Variants in GNAO1 observed in about 807,000 individuals in gnomAD.
GNAO1 encodes the protein G protein subunit alpha o1.
For missense variants in GNAO1, 166 were observed against 478.7 expected (o/e 0.35, Z 6.10); for synonymous variants, 164 against 180.7 (o/e 0.91, Z 0.74).
At chr16:56,353,495 C>G (rs2037942361) in intron 7 of GNAO1, 1 of 152,424 alleles carries the variant, frequency 6.6e-6, no homozygotes, top group African/African-American at 2.4e-5. Flanking sequence ...TGTGAGGGCA[C>G]AAAACAAGCA....
At chr16:56,207,168 A>G (rs2036338072) in intron 2 of GNAO1, among the ~76,000 whole-genome samples, 1 of 152,246 alleles carries the variant, frequency 6.6e-6, no homozygotes, top group South Asian at 2.1e-4. Flanking sequence ...GGCGAAAATA[A>G]TTCAGTATAG....
chr16:56,241,409 C>T (rs1364910896), intron 2 of GNAO1, among the ~76,000 whole-genome samples: 1 of 152,184 alleles, frequency 6.6e-6, no homozygotes, highest in Non-Finnish European at 1.5e-5. Context: ...TTTTAGTTCT[C>T]TTCCAGTGCT....
chr16:56,300,945 C>T (rs191192062), intron 3 of GNAO1: 2 of 152,334 alleles, frequency 1.3e-5, no homozygotes, highest in East Asian at 1.9e-4. Flanking sequence ...AAAGTTCCAG[C>T]GAGCAAGTTT....
intron 2 of GNAO1, among the ~76,000 whole-genome samples, chr16:56,220,722 G>GTTCC (rs2036476709): frequency 6.6e-6 from 1 of 152,004 alleles, no homozygotes; most frequent in Admixed American, 6.5e-5. Flanking sequence ...CTCGTGGATG[G>GTTCC]GATTAGCGTG....
At chr16:56,234,695 TG>T (rs1171648595) in intron 2 of GNAO1, among the ~76,000 whole-genome samples, 1 of 152,172 alleles carries the variant, frequency 6.6e-6, no homozygotes, top group Non-Finnish European at 1.5e-5. Context: ...TGAGGGAGTG[TG>T]GTTCAGAATG....
chr16:56,317,524 C>T (rs1171261818), intron 3 of GNAO1, among the ~76,000 whole-genome samples: 1 of 152,054 alleles, frequency 6.6e-6, no homozygotes, highest in African/African-American at 2.4e-5. Flanking sequence ...CGAGTTGGAT[C>T]AAACAGGAGT....
intron 2 of GNAO1, among the ~76,000 whole-genome samples, chr16:56,241,499 A>G (rs535205898): frequency 6.6e-6 from 1 of 152,336 alleles, no homozygotes; most frequent in South Asian, 2.1e-4. Flanking sequence ...TTTGAAACAA[A>G]TAGTCTGTTA....
At chr16:56,208,110 G>C (rs1312467007) in intron 2 of GNAO1, among the ~76,000 whole-genome samples, 2 of 152,236 alleles carry the variant, frequency 1.3e-5, no homozygotes, top group East Asian at 3.9e-4. Context: ...TTGGAATCAT[G>C]CTATTTGTAT....
chr16:56,192,726 GCACACACACACA>G, intron 2 of GNAO1, 110 bp downstream of exon 2: 4 of 564,334 alleles, frequency 7.1e-6, no homozygotes, highest in Admixed American at 4.8e-5. Flanking sequence ...TTTAATTCGT[GCACACACACACA>G]CACACACACA....
In GNAO1 at chr16:56,347,175, G is replaced by C. The variant is rs114174929; in HGVS notation, c.724-4209G>C. On this transcript the variant is annotated intron_variant, in intron 6 of 8. Transcript: ENST00000262493. ...GGCCTGCCCTCCTCCTTTTCAAGAA[G>C]TCTGGGGCACAGAGCCTCCTCTGGC... The C allele has an allele frequency of 1.6e-3, 1,605 of 985,444 alleles. 21 individuals carry two copies. The African/African-American group carries it at 0.024, about 15-fold the overall frequency. The allele number at this position is 985,444 out of a possible 1,614,324, so 61.0% of individuals were successfully genotyped here.
At chr16:56,213,588 TC>T (rs1386334200) in intron 2 of GNAO1, among the ~76,000 whole-genome samples, 5 of 152,080 alleles carry the variant, frequency 3.3e-5, no homozygotes, top group Admixed American at 2.6e-4. Context: ...TAAGTGATCC[TC>T]CCAAGTGGCT....
chr16:56,319,441 G>A (rs116283748), intron 3 of GNAO1, among the ~76,000 whole-genome samples: 1 of 152,110 alleles, frequency 6.6e-6, no homozygotes, highest in Non-Finnish European at 1.5e-5. Context: ...GGGTACACAG[G>A]GGGCAGGGCC....
At chr16:56,322,272 A>G (rs2398147) in intron 3 of GNAO1, among the ~76,000 whole-genome samples, 125,819 of 151,634 alleles carry the variant, frequency 0.83, 52,560 homozygotes, top group East Asian at 0.97. Context: ...GAGAACATGC[A>G]TGTGTTTTGT....
In GNAO1 at chr16:56,328,751, A is replaced by C. The variant is rs1273554289; in HGVS notation, c.424A>C (p.Asn142His). 1 of 1,614,136 alleles carries C rather than the reference A, an allele frequency of 6.2e-7. No individual in the cohort carries two copies. Among genetic ancestry groups the C allele is most frequent in the Non-Finnish European group, 8.5e-7 (1 of 1,180,052 alleles). ...WGDSGIQECF[N>H]RSREYQLNDS... ...CGACTCAGGAATCCAAGAGTGCTTCAACCGGTCCCGGGAGTATCAGCTCAA... is the reference window on the plus strand; with the variant it reads ...CGACTCAGGAATCCAAGAGTGCTTCCACCGGTCCCGGGAGTATCAGCTCAA... The change falls in exon 4 of 9, where the codon AAC becomes CAC. Residue 142 changes from asparagine (N) to histidine (H), a missense_variant. Transcript: ENST00000262493.
chr16:56,209,626 T>C (rs1187811165), intron 2 of GNAO1, among the ~76,000 whole-genome samples: 2 of 152,258 alleles, frequency 1.3e-5, no homozygotes, highest in Non-Finnish European at 1.5e-5. Flanking sequence ...CCATTATTTA[T>C]CATAATTTCT....
chr16:56,334,377 T>C (rs555726556), intron 4 of GNAO1, among the ~76,000 whole-genome samples: 2 of 152,324 alleles, frequency 1.3e-5, no homozygotes, highest in South Asian at 4.1e-4. Flanking sequence ...TGGTTACACA[T>C]GCAAAGAATA....
intron 2 of GNAO1, among the ~76,000 whole-genome samples, chr16:56,261,792 T>C (rs140555825): frequency 2.6e-3 from 391 of 152,264 alleles, no homozygotes; most frequent in East Asian, 0.023. Flanking sequence ...ACCTGTTCAG[T>C]AACCAGGCAC....
intron 6 of GNAO1, chr16:56,346,834 T>A: frequency 1.0e-6 from 1 of 985,454 alleles, no homozygotes; most frequent in Non-Finnish European, 1.2e-6. Flanking sequence ...CAGCCCCAAG[T>A]TCCAACTTGC....
chr16:56,322,057 G>A lies in GNAO1; in HGVS notation c.304-6574G>A, dbSNP rs562002287. 2.7e-4 allele frequency among the ~76,000 whole-genome samples: 41 copies of A among 152,258 alleles called. No individual in the cohort carries two copies. In the South Asian group the frequency reaches 6.6e-3, roughly 25 times the overall value. On this transcript the variant is annotated intron_variant, in intron 3 of 8. Coordinates refer to ENST00000262493, the MANE Select transcript of GNAO1 (RefSeq NM_020988.3). ...CTCTTAGACGGCCCCTTCTTGCTGC[G>A]TCCTCACGTGGTGGAAGGGGTGTGG...
Sources: gnomAD v4.1 joint callset for allele counts (sites outside exome capture counted in the v4.1 genomes callset) on GRCh38, gnomAD v4.1.1 for gene constraint, MANE v1.5 for transcripts, NCBI Gene and HGNC (gene_info 2026-07-23, HGNC 2026-07-21) for gene names.